The following NCKAP5 variants were observed in gnomAD, a reference collection of about 807,000 sequenced individuals.
NCKAP5 encodes the protein NCK associated protein 5.
A neutral mutation model predicts 167.0 loss-of-function variants in NCKAP5; 92 were observed. That is an observed-to-expected ratio of 0.55 (90% CI 0.47 to 0.66). The LOEUF (loss-of-function observed/expected upper bound fraction) is 0.66. NCKAP5 is among the 30% of genes least tolerant of loss of function. The pLI is 0.00. For missense variants in NCKAP5, 2,378 were observed against 2,315.0 expected, an observed-to-expected ratio of 1.03 and a Z score of -0.56; for synonymous variants, 891 against 877.4, an observed-to-expected ratio of 1.02 and a Z score of -0.27.
intron 3 of NCKAP5, among the ~76,000 whole-genome samples, chr2:133,438,152 G>A (rs1052026179): frequency 3.3e-5 from 5 of 152,160 alleles, no homozygotes; most frequent in African/African-American, 4.8e-5. Context: ...CCCATTAGTG[G>A]AAAAGAAAAT....
At chr2:133,532,711 G>A (rs1179642814) in intron 2 of NCKAP5, among the ~76,000 whole-genome samples, 3 of 151,864 alleles carry the variant, frequency 2.0e-5, no homozygotes, top group African/African-American at 7.3e-5. Flanking sequence ...AATTTTTATT[G>A]CCTGCCTGCC....
At chr2:133,461,420 G>A (rs956250795) in intron 3 of NCKAP5, among the ~76,000 whole-genome samples, 1 of 152,026 alleles carries the variant, frequency 6.6e-6, no homozygotes. Context: ...TACGCATTAG[G>A]GTAAAGCTAG....
the NCKAP5 span, among the ~76,000 whole-genome samples, chr2:133,633,175 T>A: frequency 6.6e-6 from 1 of 152,320 alleles, no homozygotes; most frequent in South Asian, 2.1e-4. Flanking sequence ...GAAGTAATGT[T>A]CCTGAAGACA....
At chr2:132,881,554 C>CTT (rs35545031) in intron 8 of NCKAP5, among the ~76,000 whole-genome samples, 2,345 of 126,322 alleles carry the variant, frequency 0.019, 91 homozygotes, top group African/African-American at 0.065. Flanking sequence ...CCTTACCTTT[C>CTT]TTTTTTTTTT....
At chr2:133,482,343 G>C (rs896384130) in intron 3 of NCKAP5, among the ~76,000 whole-genome samples, 1 of 151,486 alleles carries the variant, frequency 6.6e-6, no homozygotes, top group East Asian at 1.9e-4. Flanking sequence ...TCAGCTTCCC[G>C]AGTAACTGGG....
intron 3 of NCKAP5, among the ~76,000 whole-genome samples, chr2:133,373,224 A>G (rs1212532994): frequency 6.6e-6 from 1 of 151,974 alleles, no homozygotes; most frequent in East Asian, 1.9e-4. Context: ...ATGCCTGGCT[A>G]ATTTTTGTAT....
chr2:133,516,437 C>T (rs753599717), intron 3 of NCKAP5, among the ~76,000 whole-genome samples: 4 of 152,168 alleles, frequency 2.6e-5, no homozygotes, highest in Non-Finnish European at 4.4e-5. Flanking sequence ...CAAATAGACA[C>T]AGACATTGAT....
intron 7 of NCKAP5, among the ~76,000 whole-genome samples, chr2:132,981,695 C>T (rs1157793660): frequency 6.6e-6 from 1 of 152,166 alleles, no homozygotes; most frequent in Non-Finnish European, 1.5e-5. Context: ...CTGTCTCCTT[C>T]CCCTTCGAAT....
chr2:133,043,193 G>A (rs766862235), intron 6 of NCKAP5, among the ~76,000 whole-genome samples: 5 of 152,120 alleles, frequency 3.3e-5, no homozygotes, highest in African/African-American at 4.8e-5. Context: ...TAGAACTAAT[G>A]TAACTCTAGG....
chr2:133,213,880 T>G, intron 4 of NCKAP5, 101 bp from the exon 5 acceptor site: 1 of 1,111,424 alleles, frequency 9.0e-7, no homozygotes, highest in Non-Finnish European at 1.4e-6. Context: ...AGGAATTCCT[T>G]CCTTGGTTTA....
At chr2:133,640,143 A>T in the NCKAP5 span, among the ~76,000 whole-genome samples, 24 of 152,214 alleles carry the variant, frequency 1.6e-4, no homozygotes, top group Admixed American at 1.6e-3. Context: ...ATATTTGAAG[A>T]AGTGAGATGT....
chr2:132,748,470 C>T (rs550966484), intron 16 of NCKAP5, among the ~76,000 whole-genome samples: 1 of 152,314 alleles, frequency 6.6e-6, no homozygotes, highest in Admixed American at 6.5e-5. Context: ...TTTATGGCAA[C>T]ACTTTTTCTA....
intron 11 of NCKAP5, among the ~76,000 whole-genome samples, chr2:132,850,226 T>C (rs1049160933): frequency 1.3e-5 from 2 of 152,212 alleles, no homozygotes; most frequent in South Asian, 2.1e-4. Context: ...CTCTGATTAT[T>C]TGGACACCAC....
chr2:132,751,799 C>T (rs1411748573), intron 16 of NCKAP5, among the ~76,000 whole-genome samples: 1 of 152,180 alleles, frequency 6.6e-6, no homozygotes, highest in Admixed American at 6.5e-5. Flanking sequence ...TCACACCGTG[C>T]ATAGTGGATT....
intron 4 of NCKAP5, among the ~76,000 whole-genome samples, chr2:133,252,968 C>T (rs1362340008): frequency 2.0e-5 from 3 of 152,178 alleles, no homozygotes; most frequent in East Asian, 1.9e-4. Context: ...ACTTGTGGCA[C>T]GTGAGGTGAA....
intron 8 of NCKAP5, among the ~76,000 whole-genome samples, chr2:132,908,555 C>G (rs1045212376): frequency 1.3e-5 from 2 of 152,116 alleles, no homozygotes; most frequent in African/African-American, 4.8e-5. Context: ...AACTACTCTC[C>G]CATGATTTTT....
chr2:132,935,012 C>A (rs925473206), intron 8 of NCKAP5, among the ~76,000 whole-genome samples: 2 of 152,150 alleles, frequency 1.3e-5, no homozygotes, highest in African/African-American at 4.8e-5. Context: ...CAGGGATAAA[C>A]CAATCAGTAC....
At chr2:133,099,229 G>A (rs2149672248) in intron 6 of NCKAP5, among the ~76,000 whole-genome samples, 1 of 152,210 alleles carries the variant, frequency 6.6e-6, no homozygotes, top group South Asian at 2.1e-4. Flanking sequence ...AAAGCTCTGA[G>A]CTCATAATAC....
At chr2:132,849,893 G>A (rs575232199) in intron 11 of NCKAP5, among the ~76,000 whole-genome samples, 1 of 152,170 alleles carries the variant, frequency 6.6e-6, no homozygotes, top group South Asian at 2.1e-4. Context: ...CCTTAATTCG[G>A]GTACATTTCC....
Sources: gnomAD v4.1 joint callset for allele counts (sites outside exome capture counted in the v4.1 genomes callset) on GRCh38, gnomAD v4.1.1 for gene constraint, MANE v1.5 for transcripts, NCBI Gene and HGNC (gene_info 2026-07-23, HGNC 2026-07-21) for gene names.